The following DNAH9 variants were observed in gnomAD, a reference collection of about 807,000 sequenced individuals.
DNAH9 encodes DNAH9 variant protein.
In DNAH9, 345 loss-of-function variants were observed where a neutral mutation model predicts 471.6. The ratio of observed to expected loss-of-function variants is 0.73; its 90% CI spans 0.67 to 0.80. DNAH9 has a LOEUF of 0.80. Among genes scored for constraint, DNAH9 ranks in the 30% least tolerant of loss-of-function variants. The pLI is 0.00. For synonymous variants in DNAH9, 2,093 were observed against 2,123.6 expected (o/e 0.99, Z 0.40); for missense variants, 5,407 against 5,609.2 (o/e 0.96, Z 1.15).
chr17:11,678,825 T>A (rs1311033918), intron 17 of DNAH9, among the ~76,000 whole-genome samples: 1 of 152,156 alleles, frequency 6.6e-6, no homozygotes, highest in Non-Finnish European at 1.5e-5. Context: ...CAAATGTTGC[T>A]CTTGTTTGTT....
Position 11,822,579 on chromosome 17 carries a change from C to T in DNAH9, c.8992C>T (p.Gln2998Ter), listed in dbSNP as rs201960945. The change falls in exon 47 of 69, where the codon CAG becomes TAG. Residue 2998 changes from glutamine (Q) to a stop codon, truncating the protein, a stop_gained. Transcript: ENST00000262442. LOFTEE classifies it high-confidence loss of function. ...GGAGTCTGTCAGCCTCCGCTTCTTG[C>T]AGAACACAGAGGGCATTGAGGTGAG... is the stretch of plus-strand genomic sequence containing the variant. ...ALESVSLRFL[Q>*]NTEGIEPTVK... 3.1e-6 allele frequency: 5 copies of T among 1,614,136 alleles called. No individual in the cohort carries two copies. Among genetic ancestry groups the T allele is most frequent in the Admixed American group, 3.3e-5 (2 of 60,010 alleles).
intron 22 of DNAH9, among the ~76,000 whole-genome samples, chr17:11,697,865 T>C (rs1428315133): frequency 6.6e-6 from 1 of 151,876 alleles, no homozygotes; most frequent in Non-Finnish European, 1.5e-5. Flanking sequence ...CCTTACTTTA[T>C]TTCTCTACCT....
At chr17:11,946,684 A>G (rs1975138893) in intron 67 of DNAH9, among the ~76,000 whole-genome samples, 2 of 151,204 alleles carry the variant, frequency 1.3e-5, no homozygotes, top group Non-Finnish European at 3.0e-5. Context: ...AAAAAAAGAA[A>G]AAGAAAAAAA....
intron 34 of DNAH9, 29 bp from the exon 35 acceptor site, chr17:11,757,516 T>G: frequency 6.3e-7 from 1 of 1,592,302 alleles, no homozygotes; most frequent in Non-Finnish European, 8.6e-7. Flanking sequence ...TATGGAATAT[T>G]CACTAAACTG....
At chr17:11,952,991 G>A (rs1394822822) in intron 67 of DNAH9, among the ~76,000 whole-genome samples, 1 of 152,194 alleles carries the variant, frequency 6.6e-6, no homozygotes, top group African/African-American at 2.4e-5. Flanking sequence ...GGGAGGCAGA[G>A]CCAGAAAAGG....
chr17:11,943,335 CAT>C (rs1402238266), intron 67 of DNAH9, among the ~76,000 whole-genome samples: 3 of 152,152 alleles, frequency 2.0e-5, no homozygotes, highest in African/African-American at 7.2e-5. Flanking sequence ...AGGAAAAACA[CAT>C]ATGAGTTTTT....
intron 67 of DNAH9, among the ~76,000 whole-genome samples, chr17:11,944,741 C>T (rs894386943): frequency 2.6e-5 from 4 of 152,132 alleles, no homozygotes; most frequent in African/African-American, 9.7e-5. Flanking sequence ...ATCACATGTT[C>T]CCATCTCCAC....
chr17:11,819,992 A>C (rs953391245), intron 45 of DNAH9, among the ~76,000 whole-genome samples: 1 of 152,158 alleles, frequency 6.6e-6, no homozygotes, highest in Non-Finnish European at 1.5e-5. Context: ...ACAAGAAAAC[A>C]CAATAGCAAT....
rs1287978987 is a variant in DNAH9, at chr17:11,699,599, C to A, written c.4873-132C>A. On this transcript the variant is annotated intron_variant, in intron 22 of 68. Transcript: ENST00000262442. ...CTCACATCAGCATTGTTCCCACAAA[C>A]TTCCTTCTAAATGCTTGGTATCCAC... 1.1e-5 allele frequency: 8 copies of A among 754,136 alleles called. No individual in the cohort carries two copies. In the East Asian group the frequency reaches 1.3e-4, roughly 12 times the overall value. 46.7% of individuals were successfully genotyped at this position (754,136 alleles called of 1,614,324 possible).
chr17:11,780,869 GTTA>G (rs1291946706), intron 38 of DNAH9, 137 bp from the exon 39 acceptor site: 11 of 839,998 alleles, frequency 1.3e-5, no homozygotes, highest in South Asian at 5.5e-5. Flanking sequence ...AGCAGTAGCT[GTTA>G]TTATTGTTGT....
At chr17:11,634,725 T>C (rs551489174) in intron 8 of DNAH9, among the ~76,000 whole-genome samples, 21 of 152,192 alleles carry the variant, frequency 1.4e-4, no homozygotes, top group African/African-American at 1.9e-4. Context: ...CTTGGAATCA[T>C]TAAGGAAATC....
chr17:11,662,264 A>T (rs1261941989), intron 14 of DNAH9, among the ~76,000 whole-genome samples: 1 of 152,096 alleles, frequency 6.6e-6, no homozygotes, highest in Non-Finnish European at 1.5e-5. Context: ...TTTTCAGCAC[A>T]GTGATAATAT....
intron 15 of DNAH9, among the ~76,000 whole-genome samples, chr17:11,668,474 G>T (rs1462638311): frequency 6.6e-6 from 1 of 152,206 alleles, no homozygotes; most frequent in South Asian, 2.1e-4. Context: ...AGACCAGCCT[G>T]GCCAGTGTGG....
At chr17:11,634,099 G>T (rs2073117051) in intron 8 of DNAH9, among the ~76,000 whole-genome samples, 1 of 152,106 alleles carries the variant, frequency 6.6e-6, no homozygotes, top group African/African-American at 2.4e-5. Flanking sequence ...AAGCAGCACT[G>T]CTTGTACCCA....
chr17:11,615,197 G>T (rs2072716809), intron 4 of DNAH9, among the ~76,000 whole-genome samples: 1 of 152,170 alleles, frequency 6.6e-6, no homozygotes, highest in Non-Finnish European at 1.5e-5. Context: ...ACAAATAAAC[G>T]TGTTTGTCCT....
At chr17:11,747,167 G>A (rs898068451) in intron 31 of DNAH9, among the ~76,000 whole-genome samples, 4 of 152,102 alleles carry the variant, frequency 2.6e-5, no homozygotes, top group African/African-American at 9.7e-5. Flanking sequence ...AAAATCAATT[G>A]TTCCCTCCTC....
rs965058617 is a variant in DNAH9 at position 11,892,114 on chromosome 17, GC to G, written c.11283+172del. Among the ~76,000 whole-genome samples, 12 of 152,242 alleles carry G rather than the reference GC, an allele frequency of 7.9e-5. No individual in the cohort carries two copies. The highest frequency in any genetic ancestry group is 7.2e-4 in the Admixed American group (11 of 15,296). The stretch of plus-strand genomic sequence containing the variant: ...AAGGTCCAATGTGGTGTGTGCATCT[GC>G]CCCCACCATTTCCCACTTATGGCAG... On this transcript the variant is annotated intron_variant, in intron 58 of 68. Transcript: ENST00000262442. This position sits in a 1 kb window ranked among gnomAD's most constrained non-coding sequence, Gnocchi z 4.3.
chr17:11,829,876 T>C (rs1196656908), intron 48 of DNAH9, among the ~76,000 whole-genome samples: 2 of 152,252 alleles, frequency 1.3e-5, no homozygotes, highest in African/African-American at 4.8e-5. Flanking sequence ...ATCCATCTTA[T>C]TCATTTAAGA....
At chr17:11,765,641 G>C (rs929895213) in intron 36 of DNAH9, among the ~76,000 whole-genome samples, 6 of 152,158 alleles carry the variant, frequency 3.9e-5, no homozygotes, top group Non-Finnish European at 5.9e-5. Flanking sequence ...AGGACAGGAG[G>C]ATACATGAGC....
Sources: gnomAD v4.1 joint callset for allele counts (sites outside exome capture counted in the v4.1 genomes callset) on GRCh38, gnomAD v4.1.1 for gene constraint, Gnocchi (gnomAD v3.1) non-coding constraint, MANE v1.5 for transcripts, NCBI Gene and HGNC (gene_info 2026-07-23, HGNC 2026-07-21) for gene names.